SLC5A3: variants seen among roughly 807,000 people sequenced by gnomAD.
SLC5A3 encodes the protein solute carrier family 5 member 3.
SLC5A3 carries 10 observed loss-of-function variants against 43.2 expected under a neutral mutation model. That is an observed-to-expected ratio of 0.23 (90% CI 0.14 to 0.39). SLC5A3 has a LOEUF of 0.39. Among genes scored for constraint, SLC5A3 ranks in the 10% least tolerant of loss-of-function variants. SLC5A3 has a pLI of 1.00. For synonymous variants in SLC5A3, 349 were observed against 322.0 expected, an observed-to-expected ratio of 1.08 and a Z score of -0.90; for missense variants, 608 against 893.4, an observed-to-expected ratio of 0.68 and a Z score of 4.07.
At position 34,080,429 on chromosome 21, in the gene SLC5A3, AC is replaced by A. The variant is rs369862566; in HGVS notation, c.-337+6686del. Among the ~76,000 whole-genome samples, 63 of 152,068 alleles carry A rather than the reference AC, an allele frequency of 4.1e-4. No homozygotes were observed. In the East Asian group the frequency reaches 0.012, roughly 28 times the overall value. ...TGTGCAGATTCTTATAAATACCATT[AC>A]CTTTTATTTTCTTTGGTGCCGGCAT... On this transcript the variant is annotated intron_variant, in intron 1 of 1. Transcript: ENST00000381151.
chr21:34,074,128 C>T (rs1396053518), intron 1 of SLC5A3, among the ~76,000 whole-genome samples: 5 of 148,964 alleles, frequency 3.4e-5, no homozygotes, highest in Non-Finnish European at 6.0e-5. Context: ...CCGGCCCGTC[C>T]CCGCCAGTCG....
chr21:34,076,844 C>T (rs535211443), intron 1 of SLC5A3, among the ~76,000 whole-genome samples: 214 of 152,276 alleles, frequency 1.4e-3, no homozygotes, highest in Middle Eastern at 0.01. Flanking sequence ...TTTAAAAGTC[C>T]TGTTACACCC....
At chr21:34,075,260 G>A (rs1288818226) in intron 1 of SLC5A3, among the ~76,000 whole-genome samples, 1 of 152,226 alleles carries the variant, frequency 6.6e-6, no homozygotes, top group Admixed American at 6.5e-5. Flanking sequence ...GACACTGAAA[G>A]AGGCAACCTG....
At chr21:34,087,196 T>C (rs1569414266) in intron 1 of SLC5A3, among the ~76,000 whole-genome samples, 1 of 152,168 alleles carries the variant, frequency 6.6e-6, no homozygotes, top group Non-Finnish European at 1.5e-5. Context: ...TGCCTTGTCA[T>C]TACACATACC....
intron 1 of SLC5A3, among the ~76,000 whole-genome samples, chr21:34,076,486 A>G (rs1300927772): frequency 2.0e-5 from 3 of 152,298 alleles, no homozygotes; most frequent in African/African-American, 7.2e-5. Flanking sequence ...AGAAATTCCA[A>G]TACTATGTTT....
Position 34,099,464 on chromosome 21 carries a change from A to G in SLC5A3, c.*2109A>G. The G allele has an allele frequency of 1.0e-6, 1 of 1,000,010 alleles. No individual in the cohort carries two copies. Among genetic ancestry groups the G allele is most frequent in the Non-Finnish European group, 1.2e-6 (1 of 829,908 alleles). 61.9% of individuals were successfully genotyped at this position (1,000,010 alleles called of 1,614,324 possible). A position where few individuals can be genotyped will look rare whatever the true frequency, so the allele number is the denominator to read the frequency against. ...GTTTGGGAAAGTAATAAGATCTTGG[A>G]TTTTTCAAATTAACATTAAGTTGTA... On this transcript the variant is annotated 3_prime_UTR_variant, in exon 2 of 2. Coordinates refer to ENST00000381151, the MANE Select transcript of SLC5A3 (RefSeq NM_006933.7).
chr21:34,087,979 G>T (rs750157088), intron 1 of SLC5A3, among the ~76,000 whole-genome samples: 2 of 152,222 alleles, frequency 1.3e-5, no homozygotes, highest in African/African-American at 4.8e-5. Context: ...TGAGGATGAA[G>T]TTGCTGTTCT....
intron 1 of SLC5A3, among the ~76,000 whole-genome samples, chr21:34,092,816 C>T (rs1420386150): frequency 6.6e-6 from 1 of 152,156 alleles, no homozygotes; most frequent in Admixed American, 6.6e-5. Context: ...TTTTCTCTCC[C>T]TTCTTTGGAA....
chr21:34,101,604 T>G lies in SLC5A3; in HGVS notation c.*4249T>G. The stretch of plus-strand genomic sequence containing the variant: ...ATTGCTGTGTCAGTTCTACACCTAG[T>G]CTTTTCAGCACTTAGCAAATTCAAA... On this transcript the variant is annotated 3_prime_UTR_variant, in exon 2 of 2. Coordinates refer to ENST00000381151, the MANE Select transcript of SLC5A3 (RefSeq NM_006933.7). The G allele has an allele frequency of 3.0e-6, 3 of 1,000,246 alleles. No homozygotes were observed. Among genetic ancestry groups the G allele is most frequent in the Non-Finnish European group, 2.4e-6 (2 of 829,958 alleles). The allele number at this position is 1,000,246 out of a possible 1,614,324, so 62.0% of individuals were successfully genotyped here. A position where few individuals can be genotyped will look rare whatever the true frequency, so the allele number is the denominator to read the frequency against.
chr21:34,090,009 T>A (rs114873913), intron 1 of SLC5A3, among the ~76,000 whole-genome samples: 1,750 of 152,320 alleles, frequency 0.011, 38 homozygotes, highest in South Asian at 0.081. Flanking sequence ...GAGCATCCCA[T>A]ATCTGAACAT....
Position 34,101,511 on chromosome 21 carries a change from T to G in SLC5A3, c.*4156T>G. ...AGCAGACTTCTTTACAAATGGGATCTGTTTCTATATGTGTATATGCCCACT... is the reference window on the plus strand; with the variant it reads ...AGCAGACTTCTTTACAAATGGGATCGGTTTCTATATGTGTATATGCCCACT... On this transcript the variant is annotated 3_prime_UTR_variant, in exon 2 of 2. Coordinates refer to ENST00000381151, the MANE Select transcript of SLC5A3 (RefSeq NM_006933.7). 1 of 1,000,236 alleles carries G rather than the reference T, an allele frequency of 1.0e-6. No individual in the cohort carries two copies. The highest frequency in any genetic ancestry group is 1.2e-6 in the Non-Finnish European group (1 of 829,970). 62.0% of individuals were successfully genotyped at this position (1,000,236 alleles called of 1,614,324 possible). A position where few individuals can be genotyped will look rare whatever the true frequency, so the allele number is the denominator to read the frequency against.
intron 1 of SLC5A3, among the ~76,000 whole-genome samples, chr21:34,081,160 G>A (rs1269079485): frequency 1.3e-5 from 2 of 152,128 alleles, no homozygotes; most frequent in African/African-American, 2.4e-5. Flanking sequence ...TGTATGTGGA[G>A]TGTTTTACAA....
chr21:34,077,338 T>G (rs966506623), intron 1 of SLC5A3, among the ~76,000 whole-genome samples: 1 of 152,168 alleles, frequency 6.6e-6, no homozygotes, highest in South Asian at 2.1e-4. Flanking sequence ...AGGAAAGAAA[T>G]CTGTGCAATA....
intron 1 of SLC5A3, among the ~76,000 whole-genome samples, chr21:34,087,553 C>T (rs1253826828): frequency 2.6e-5 from 4 of 152,106 alleles, no homozygotes; most frequent in African/African-American, 9.7e-5. Context: ...GTGTTGAGTA[C>T]TATGGATAAA....
In SLC5A3 at chr21:34,098,790, T is replaced by C; in HGVS notation, c.*1435T>C. On this transcript the variant is annotated 3_prime_UTR_variant, in exon 2 of 2. Transcript: ENST00000381151. Reference sequence around the variant, plus strand: ...GGTACAAAAGATGTTAGAGAAAAGCTCTACAGATTACGTACTTCTGTGTCT... The same window carrying C: ...GGTACAAAAGATGTTAGAGAAAAGCCCTACAGATTACGTACTTCTGTGTCT... 1.0e-6 allele frequency: 1 copy of C among 1,000,176 alleles called. No homozygotes were observed. Among genetic ancestry groups the C allele is most frequent in the Non-Finnish European group, 1.2e-6 (1 of 829,914 alleles). 62.0% of individuals were successfully genotyped at this position (1,000,176 alleles called of 1,614,324 possible).
intron 1 of SLC5A3, among the ~76,000 whole-genome samples, chr21:34,085,326 G>A (rs1180932603): frequency 6.6e-6 from 1 of 152,170 alleles, no homozygotes. Flanking sequence ...TCATAGGGAT[G>A]TCAATGCATC....
Position 34,073,626 on chromosome 21 carries a change from C to T in SLC5A3, c.-456C>T. On this transcript the variant is annotated 5_prime_UTR_variant, in exon 1 of 2. Transcript: ENST00000381151. ...CGGCGCAGCAGTTTCTAGGTCCCCACTGTCCCCGCCGTCCCGCCCCTTCGC... is the reference window on the plus strand; with the variant it reads ...CGGCGCAGCAGTTTCTAGGTCCCCATTGTCCCCGCCGTCCCGCCCCTTCGC... The T allele has an allele frequency of 2.2e-6, 3 of 1,346,708 alleles. No individual in the cohort carries two copies. Among genetic ancestry groups the T allele is most frequent in the South Asian group, 2.5e-5 (2 of 80,490 alleles). 83.4% of individuals were successfully genotyped at this position (1,346,708 alleles called of 1,614,324 possible).
At chr21:34,077,683 G>A (rs951255282) in intron 1 of SLC5A3, among the ~76,000 whole-genome samples, 86 of 152,164 alleles carry the variant, frequency 5.7e-4, no homozygotes, top group African/African-American at 1.9e-3. Flanking sequence ...AATACTCAAC[G>A]CAGATTATAT....
rs1979306977 is a variant in SLC5A3 at position 34,102,793 on chromosome 21, A to G, written c.*5438A>G. On this transcript the variant is annotated 3_prime_UTR_variant, in exon 2 of 2. Transcript: ENST00000381151. ...ATACCACTGAAAAGCACTATAACATAATTGTTGTCCATGATACTGAAGCTT... is the reference window on the plus strand; with the variant it reads ...ATACCACTGAAAAGCACTATAACATGATTGTTGTCCATGATACTGAAGCTT... The G allele has an allele frequency of 1.0e-6, 1 of 1,000,076 alleles. No homozygotes were observed. Among genetic ancestry groups the G allele is most frequent in the Non-Finnish European group, 1.2e-6 (1 of 829,858 alleles). The allele number at this position is 1,000,076 out of a possible 1,614,324, so 62.0% of individuals were successfully genotyped here.
Sources: gnomAD v4.1 joint callset for allele counts (sites outside exome capture counted in the v4.1 genomes callset) on GRCh38, gnomAD v4.1.1 for gene constraint, MANE v1.5 for transcripts, NCBI Gene and HGNC (gene_info 2026-07-23, HGNC 2026-07-21) for gene names.